VWA3B: variants seen among roughly 807,000 people sequenced by gnomAD.
The protein encoded by VWA3B is von Willebrand factor A domain containing 3B, also known as von Willebrand factor A domain-containing protein 3B.
A neutral mutation model predicts 158.3 loss-of-function variants in VWA3B; 138 were observed. The ratio of observed to expected loss-of-function variants is 0.87; its 90% CI spans 0.76 to 1.00. The LOEUF (loss-of-function observed/expected upper bound fraction) is 1.00, where lower values mean the gene tolerates loss of function less well. Among genes scored for constraint, VWA3B ranks in the 50% least tolerant of loss-of-function variants. VWA3B has a pLI of 0.00. For missense variants in VWA3B, 1,555 were observed against 1,565.1 expected, an observed-to-expected ratio of 0.99 and a Z score of 0.11; for synonymous variants, 596 against 587.3, an observed-to-expected ratio of 1.01 and a Z score of -0.21.
chr2:98,194,234 T>C (rs1249171438), intron 11 of VWA3B, 127 bp from the exon 12 acceptor site: 2 of 823,410 alleles, frequency 2.4e-6, no homozygotes, highest in East Asian at 2.7e-5. Context: ...CTCTATTGAA[T>C]ATAATTTTTT....
At chr2:98,162,328 T>C (rs1181614805) in intron 7 of VWA3B, among the ~76,000 whole-genome samples, 2 of 152,282 alleles carry the variant, frequency 1.3e-5, no homozygotes, top group Middle Eastern at 3.4e-3. Context: ...TAAAAAAGTG[T>C]TATAGAGTCA....
intron 14 of VWA3B, among the ~76,000 whole-genome samples, chr2:98,220,910 A>G (rs1313043197): frequency 6.6e-6 from 1 of 152,112 alleles, no homozygotes; most frequent in Non-Finnish European, 1.5e-5. Flanking sequence ...TATAAGTGGG[A>G]GCCGAACAAT....
intron 12 of VWA3B, among the ~76,000 whole-genome samples, chr2:98,196,371 A>G (rs1682041332): frequency 6.6e-6 from 1 of 152,238 alleles, no homozygotes; most frequent in African/African-American, 2.4e-5. Flanking sequence ...TACATTGTAT[A>G]CCATATATAC....
chr2:98,327,600 A>G, the VWA3B span, among the ~76,000 whole-genome samples: 2 of 152,238 alleles, frequency 1.3e-5, no homozygotes, highest in Non-Finnish European at 2.9e-5. Flanking sequence ...TGTATTTGAC[A>G]TAATTCAAGA....
chr2:98,149,847 A>G (rs1003273175), intron 7 of VWA3B, among the ~76,000 whole-genome samples: 13 of 152,232 alleles, frequency 8.5e-5, no homozygotes, highest in Admixed American at 7.8e-4. Context: ...AAAGTTTTCA[A>G]AGTACTTTGG....
At position 98,127,494 on chromosome 2, in the gene VWA3B, A is replaced by G. The variant is rs80134700; in HGVS notation, c.703-745A>G. ...GAGATAGAGAGTTCTCTGTCTCTCAATTCAGCAGCTGGCACTTCTCTGGGA... is the reference window on the plus strand; with the variant it reads ...GAGATAGAGAGTTCTCTGTCTCTCAGTTCAGCAGCTGGCACTTCTCTGGGA... On this transcript the variant is annotated intron_variant, in intron 5 of 27. Coordinates refer to ENST00000477737, the MANE Select transcript of VWA3B (RefSeq NM_144992.5). Among the ~76,000 whole-genome samples, 606 of 148,300 alleles carry G rather than the reference A, an allele frequency of 4.1e-3. 2 individuals carry two copies. The highest frequency in any genetic ancestry group is 0.01 in the African/African-American group (407 of 40,310).
rs766833824 is a variant in VWA3B, at chr2:98,162,867, G to A, written c.1005G>A (p.Glu335=). The A allele has an allele frequency of 4.3e-6, 7 of 1,613,750 alleles. No homozygotes were observed. The highest frequency in any genetic ancestry group is 5.9e-6 in the Non-Finnish European group (7 of 1,180,016). ...CCCTTTTAGGAGCTGGAGTCAGAGAGGACGTGTTTCTCGTTTGGCAAGAGA... is the reference window on the plus strand; with the variant it reads ...CCCTTTTAGGAGCTGGAGTCAGAGAAGACGTGTTTCTCGTTTGGCAAGAGA... ...GKLPPGAGVR[E]DVFLVWQEME... is the part of the protein sequence containing the mutation. Residue 335 remains glutamate (E), a synonymous_variant, in exon 8 of 28, where the codon GAG becomes GAA. Transcript: ENST00000477737.
chr2:98,110,257 C>T (rs1380969189), intron 2 of VWA3B, among the ~76,000 whole-genome samples: 4 of 151,932 alleles, frequency 2.6e-5, no homozygotes, highest in African/African-American at 9.7e-5. Flanking sequence ...TATTGTTCTC[C>T]AAGCTTACTC....
chr2:98,273,830 C>T (rs1688358114), intron 22 of VWA3B, among the ~76,000 whole-genome samples: 2 of 152,118 alleles, frequency 1.3e-5, no homozygotes, highest in African/African-American at 4.8e-5. Context: ...TTTATCTATA[C>T]TTTATATTAA....
At chr2:98,130,175 G>A (rs540881952) in intron 6 of VWA3B, among the ~76,000 whole-genome samples, 3 of 152,272 alleles carry the variant, frequency 2.0e-5, no homozygotes, top group South Asian at 2.1e-4. Flanking sequence ...AAAGTGCTGC[G>A]CTTTTGATGT....
chr2:98,308,032 T>C (rs1291397435), intron 26 of VWA3B, among the ~76,000 whole-genome samples: 1 of 152,118 alleles, frequency 6.6e-6, no homozygotes, highest in African/African-American at 2.4e-5. Context: ...TCAAAACTAA[T>C]TGAACACAGC....
In VWA3B at chr2:98,162,983, G is replaced by T; in HGVS notation, c.1114+7G>T. 6.2e-7 allele frequency: 1 copy of T among 1,613,760 alleles called. No homozygotes were observed. Among genetic ancestry groups the T allele is most frequent in the Non-Finnish European group, 8.5e-7 (1 of 1,179,878 alleles). ...GTGGCCACTGTGGACTGCGGTTGGT[G>T]CTATTTCTGGTCACTGGTGTAAAAG... On this transcript the variant is annotated splice_region_variant and intron_variant, in intron 8 of 27. Coordinates refer to ENST00000477737, the MANE Select transcript of VWA3B (RefSeq NM_144992.5).
At chr2:98,319,219 G>GA in the VWA3B span, among the ~76,000 whole-genome samples, 231 of 137,910 alleles carry the variant, frequency 1.7e-3, 1 homozygote, top group African/African-American at 4.6e-3. Flanking sequence ...ATGGATAAAA[G>GA]AAAAAAAAAA....
At chr2:98,327,741 T>C in the VWA3B span, among the ~76,000 whole-genome samples, 636 of 152,344 alleles carry the variant, frequency 4.2e-3, 5 homozygotes, top group African/African-American at 0.014. Flanking sequence ...TCTTCTGTAC[T>C]AGATGAGACC....
chr2:98,228,119 G>A, intron 14 of VWA3B, 83 bp from the exon 15 acceptor site: 2 of 1,457,318 alleles, frequency 1.4e-6, no homozygotes. Context: ...TGAACCTCTT[G>A]TCTCTAAAAA....
At chr2:98,162,150 C>A (rs1190670521) in intron 7 of VWA3B, among the ~76,000 whole-genome samples, 1 of 151,974 alleles carries the variant, frequency 6.6e-6, no homozygotes, top group Admixed American at 6.6e-5. Context: ...GAGTGCACAT[C>A]CATTTCCCCC....
the VWA3B span, among the ~76,000 whole-genome samples, chr2:98,319,923 CAAAA>C: frequency 0.13 from 18,980 of 150,940 alleles, 1,748 homozygotes; most frequent in Non-Finnish European, 0.19. Flanking sequence ...CACAACAAAA[CAAAA>C]AAACTACATT....
At chr2:98,270,932 A>C (rs1688165451) in intron 22 of VWA3B, 49 bp downstream of exon 22, 2 of 1,574,260 alleles carry the variant, frequency 1.3e-6, no homozygotes, top group South Asian at 2.3e-5. Flanking sequence ...GCCTATCCCA[A>C]GTCATTGCCA....
Position 98,187,981 on chromosome 2 carries a change from A to G in VWA3B, c.1318A>G (p.Asn440Asp), listed in dbSNP as rs779743752. 6.2e-7 allele frequency: 1 copy of G among 1,611,620 alleles called. No homozygotes were observed. Among genetic ancestry groups the G allele is most frequent in the East Asian group, 2.2e-5 (1 of 44,816 alleles). The stretch of plus-strand genomic sequence containing the variant: ...TCCTTTGTCATCTCCTTAGGAGACG[A>G]ACAAGAAGACAGTCCATGCAAAATA... The part of the protein sequence containing the change: ...NESVQTSAET[N>D]KKTVHAKYCS... Residue 440 changes from asparagine to aspartate, a missense_variant, in exon 10 of 28, where the codon AAC (asparagine) becomes GAC (aspartate). Physicochemically the swap from Asn to Asp is conservative, Grantham distance 23. Coordinates refer to ENST00000477737, the MANE Select transcript of VWA3B (RefSeq NM_144992.5).
Sources: allele counts gnomAD v4.1 joint callset (sites outside exome capture counted in the v4.1 genomes callset), GRCh38; gene constraint gnomAD v4.1.1; transcripts MANE v1.5; gene names NCBI Gene and HGNC (gene_info 2026-07-23, HGNC 2026-07-21).